The following ALDH1L2 variants were observed in gnomAD, a reference collection of about 807,000 sequenced individuals.
The protein encoded by ALDH1L2 is aldehyde dehydrogenase 1 family member L2.
Under a neutral mutation model 111.0 loss-of-function variants are expected in ALDH1L2, and 91 were observed. The observed-to-expected ratio is 0.82, with a 90% CI of 0.69 to 0.98. The LOEUF (loss-of-function observed/expected upper bound fraction) is 0.98. Among genes scored for constraint, ALDH1L2 ranks in the 50% least tolerant of loss-of-function variants. The probability of loss-of-function intolerance (pLI) is 0.00; values close to 1 mark genes in which losing one functional copy is unlikely to be tolerated. For missense variants in ALDH1L2, 995 were observed against 1,126.8 expected, an observed-to-expected ratio of 0.88 and a Z score of 1.67; for synonymous variants, 374 against 392.6, an observed-to-expected ratio of 0.95 and a Z score of 0.56.
At chr12:105,062,338 G>GGGACTCTTAA (rs55827548) in intron 7 of ALDH1L2, among the ~76,000 whole-genome samples, 59,403 of 151,734 alleles carry the variant, frequency 0.39, 12,802 homozygotes, top group Middle Eastern at 0.6. Context: ...TGGAACTAGC[G>GGGACTCTTAA]GCCTACAGTC....
In ALDH1L2 at chr12:105,070,774, A is replaced by G. The variant is rs201774991; in HGVS notation, c.224T>C (p.Val75Ala). 6.5e-5 allele frequency: 105 copies of G among 1,614,146 alleles called. No individual in the cohort carries two copies. The African/African-American group carries it at 1.3e-3, about 20-fold the overall frequency. The change falls in exon 3 of 23, where the codon GTG becomes GCG. Residue 75 changes from valine to alanine, a missense_variant. Coordinates refer to ENST00000258494, the MANE Select transcript of ALDH1L2 (RefSeq NM_001034173.4). ...GACCCTCCATTTAGGAAGCTTGAAC[A>G]CAGGGGTCCCATCTTTCTCTGCAGC... ...ALAAEKDGTP[V>A]FKLPKWRVKG...
rs370890697 is a variant in ALDH1L2 at position 105,035,825 on chromosome 12, C to CTA, written c.2146-1429_2146-1428dup. On this transcript the variant is annotated intron_variant, in intron 18 of 22. Coordinates refer to ENST00000258494, the MANE Select transcript of ALDH1L2 (RefSeq NM_001034173.4). ...CCTCCCTGGACTATATATAGTGTGTCTATATATATATATATGTGTGTGTGT... is the reference window on the plus strand; with the variant it reads ...CCTCCCTGGACTATATATAGTGTGTCTATATATATATATATATGTGTGTGTGT... 8.2e-3 allele frequency among the ~76,000 whole-genome samples: 518 copies of CTA among 62,976 alleles called. 57 individuals carry two copies. The highest frequency in any genetic ancestry group is 0.012 in the Non-Finnish European group (410 of 34,176). The allele number at this position is 62,976 out of a possible 152,430, so 41.3% of individuals were successfully genotyped here. A position where few individuals can be genotyped will look rare whatever the true frequency, so the allele number is the denominator to read the frequency against.
chr12:105,035,789 C>T (rs1245521976), intron 18 of ALDH1L2, among the ~76,000 whole-genome samples: 1 of 149,058 alleles, frequency 6.7e-6, no homozygotes, highest in Non-Finnish European at 1.5e-5. Flanking sequence ...TTCTAATTCA[C>T]CTGCAGGAAA....
chr12:105,024,363 T>G lies in ALDH1L2; in HGVS notation c.*61A>C. 6.3e-7 allele frequency: 1 copy of G among 1,591,212 alleles called. No homozygotes were observed. The highest frequency in any genetic ancestry group is 1.1e-5 in the South Asian group (1 of 90,162). The stretch of plus-strand genomic sequence containing the variant: ...TCCTGCCTCAACACACCCAATCTTC[T>G]TAAGTGTGTCCAGAGTTGTAAAGGG... On this transcript the variant is annotated 3_prime_UTR_variant, in exon 23 of 23. Transcript: ENST00000258494.
At chr12:105,071,644 T>TATATATATATA (rs56181175) in intron 2 of ALDH1L2, among the ~76,000 whole-genome samples, 1 of 11,566 alleles carries the variant, frequency 8.6e-5, no homozygotes, top group Non-Finnish European at 1.5e-4. Context: ...ATATATATAT[T>TATATATATATA]TTTTTTTTTT....
At chr12:105,067,610 G>A (rs978452499) in intron 4 of ALDH1L2, among the ~76,000 whole-genome samples, 35 of 152,008 alleles carry the variant, frequency 2.3e-4, no homozygotes, top group Non-Finnish European at 3.8e-4. Flanking sequence ...TTATATTTAC[G>A]TTTGCCTTGA....
intron 10 of ALDH1L2, among the ~76,000 whole-genome samples, chr12:105,054,272 CA>C (rs1215568616): frequency 6.6e-6 from 1 of 152,116 alleles, no homozygotes; most frequent in East Asian, 1.9e-4. Context: ...TTATTAAAAA[CA>C]AATGGGTGAG....
At position 105,052,186 on chromosome 12, in the gene ALDH1L2, G is replaced by A. The variant is rs771063774; in HGVS notation, c.1439C>T (p.Ala480Val). The A allele has an allele frequency of 9.3e-6, 15 of 1,609,444 alleles. 1 individual carries two copies. Among genetic ancestry groups the A allele is most frequent in the South Asian group, 4.4e-5 (4 of 90,366 alleles). Residue 480 changes from alanine (A) to valine (V), a missense_variant, in exon 12 of 23, where the codon GCG becomes GTG. Physicochemically the swap from Ala to Val is moderately conservative, Grantham distance 64 (BLOSUM62 0). Transcript: ENST00000258494. ...TICKVSYASL[A>V]DVDKAVAAAK... ...TGCTGCTACTGCTTTATCAACATCC[G>A]CCAAAGAAGCGTAGGATACTTTGCA...
chr12:105,059,074 C>T (rs1458510263), intron 9 of ALDH1L2, among the ~76,000 whole-genome samples: 2 of 151,944 alleles, frequency 1.3e-5, no homozygotes, highest in Non-Finnish European at 2.9e-5. Flanking sequence ...CGAGACCACC[C>T]TGGCCAACAT....
chr12:105,047,928 C>T (rs1359062598), intron 13 of ALDH1L2: 1 of 152,156 alleles, frequency 6.6e-6, no homozygotes, highest in African/African-American at 2.4e-5. Context: ...TGAATATTCA[C>T]TCTAAGTGAT....
At chr12:105,052,967 C>T (rs751690699) in intron 10 of ALDH1L2, 36 bp from the exon 11 acceptor site, 7 of 1,607,098 alleles carry the variant, frequency 4.4e-6, no homozygotes, top group South Asian at 3.3e-5. Context: ...AATGGATTTC[C>T]GTGTTTACCA....
At chr12:105,061,405 C>T (rs922302276) in intron 8 of ALDH1L2, among the ~76,000 whole-genome samples, 1 of 152,158 alleles carries the variant, frequency 6.6e-6, no homozygotes, top group Non-Finnish European at 1.5e-5. Context: ...ACCCCTAACC[C>T]CCGTGCCAAC....
At chr12:105,063,045 A>T (rs762384581) in intron 6 of ALDH1L2, 23 bp from the exon 7 acceptor site, 1 of 1,601,380 alleles carries the variant, frequency 6.2e-7, no homozygotes, top group South Asian at 1.1e-5. Flanking sequence ...TCAAACACAG[A>T]TTGTAAAATC....
chr12:105,065,673 T>A (rs1877308144), intron 5 of ALDH1L2, among the ~76,000 whole-genome samples: 4 of 151,358 alleles, frequency 2.6e-5, no homozygotes, highest in Admixed American at 2.6e-4. Flanking sequence ...TAGGTTGAAC[T>A]TTTTTTTGAA....
Position 105,062,985 on chromosome 12 carries a change from G to A in ALDH1L2, c.824C>T (p.Ser275Phe). Residue 275 changes from serine to phenylalanine, a missense_variant, in exon 7 of 23, where the codon TCT (serine) becomes TTT (phenylalanine). Physicochemically the swap from Ser to Phe is radical, Grantham distance 155. Transcript: ENST00000258494. ...TFYGSTLLNS[S>F]VPPGEPLEIK... ...TTCCAGTGGTTCTCCAGGAGGCACA[G>A]AGCTATTCAGTAATGTCGAGCCATA... 1 of 1,614,116 alleles carries A rather than the reference G, an allele frequency of 6.2e-7. No individual in the cohort carries two copies. Among genetic ancestry groups the A allele is most frequent in the Non-Finnish European group, 8.5e-7 (1 of 1,180,008 alleles).
Position 105,020,970 on chromosome 12 carries a change from T to C in ALDH1L2, c.*3454A>G, listed in dbSNP as rs1344511516. 1 of 152,200 alleles carries C rather than the reference T, an allele frequency of 6.6e-6. No individual in the cohort carries two copies. The allele number at this position is 152,200 out of a possible 1,614,324, so 9.4% of individuals were successfully genotyped here. A position where few individuals can be genotyped will look rare whatever the true frequency, so the allele number is the denominator to read the frequency against. Reference sequence around the variant, plus strand: ...TTTTCTCCCCCGTCCCGGAGAACTATTTGTTAAATATTTTACCAGCACACC... The same window carrying C: ...TTTTCTCCCCCGTCCCGGAGAACTACTTGTTAAATATTTTACCAGCACACC... On this transcript the variant is annotated 3_prime_UTR_variant, in exon 23 of 23. Coordinates refer to ENST00000258494, the MANE Select transcript of ALDH1L2 (RefSeq NM_001034173.4).
In ALDH1L2 at chr12:105,080,263, A is replaced by G. The variant is rs1366499439; in HGVS notation, c.48+4126T>C. On this transcript the variant is annotated intron_variant, in intron 1 of 22. Coordinates refer to ENST00000258494, the MANE Select transcript of ALDH1L2 (RefSeq NM_001034173.4). Reference sequence around the variant, plus strand: ...TTTTCTCACCCCTGCTAAACACACAATATCGTCAAATTTATGATTTTTGCC... The same window carrying G: ...TTTTCTCACCCCTGCTAAACACACAGTATCGTCAAATTTATGATTTTTGCC... 3.3e-5 allele frequency among the ~76,000 whole-genome samples: 5 copies of G among 152,296 alleles called. No homozygotes were observed. In the South Asian group the frequency reaches 6.2e-4, roughly 19 times the overall value.
In ALDH1L2 at chr12:105,061,696, G is replaced by A; in HGVS notation, c.978C>T (p.Tyr326=). 1.2e-6 allele frequency: 2 copies of A among 1,614,110 alleles called. No homozygotes were observed. The highest frequency in any genetic ancestry group is 2.2e-5 in the South Asian group (2 of 91,082). Residue 326 remains tyrosine, a synonymous_variant, in exon 8 of 23, where the codon TAC becomes TAT. Transcript: ENST00000258494. ...CCACTGACGTCTCACCCGTTGAAAA[G>A]TACTGAGAGGCAGGGATCATTTTTC... is the stretch of plus-strand genomic sequence containing the variant. ...EDGKMIPASQ[Y]FSTGETSVVE...
rs577609375 is a variant in ALDH1L2, at chr12:105,079,611, C to T, written c.48+4778G>A. Among the ~76,000 whole-genome samples, 11 of 152,142 alleles carry T rather than the reference C, an allele frequency of 7.2e-5. No individual in the cohort carries two copies. In the East Asian group the frequency reaches 1.7e-3, roughly 24 times the overall value. On this transcript the variant is annotated intron_variant, in intron 1 of 22. Transcript: ENST00000258494. ...AGTCCAAAGGGCTCGAGTCCAGAAA[C>T]GGACTCCAGTACTAGAGAGGCAGGA...
Sources: gnomAD v4.1 joint callset for allele counts (sites outside exome capture counted in the v4.1 genomes callset) on GRCh38, gnomAD v4.1.1 for gene constraint, MANE v1.5 for transcripts, NCBI Gene and HGNC (gene_info 2026-07-23, HGNC 2026-07-21) for gene names.